Variants in ZC3H8 observed in about 807,000 individuals in gnomAD.
ZC3H8 encodes zinc finger CCCH-type containing 8.
ZC3H8 carries 27 observed loss-of-function variants against 42.5 expected under a neutral mutation model. The ratio of observed to expected loss-of-function variants is 0.64; its 90% CI spans 0.47 to 0.88. The LOEUF (loss-of-function observed/expected upper bound fraction) is 0.88. ZC3H8 is among the 40% of genes least tolerant of loss of function. The pLI, the probability that ZC3H8 is intolerant of heterozygous loss-of-function variation, is 0.00. For synonymous variants in ZC3H8, 101 were observed against 110.1 expected (o/e 0.92, Z 0.52); for missense variants, 277 against 336.1 (o/e 0.82, Z 1.37).
intron 5 of ZC3H8, 124 bp from the exon 6 acceptor site, chr2:112,233,495 A>G (rs1685179705): frequency 1.4e-5 from 9 of 657,740 alleles, no homozygotes. Context: ...TAGAGGTAGC[A>G]CATTCTAACT....
chr2:112,226,600 A>AAAAAAAAAAG (rs1418230275), intron 8 of ZC3H8, among the ~76,000 whole-genome samples: 1 of 151,038 alleles, frequency 6.6e-6, no homozygotes, highest in Non-Finnish European at 1.5e-5. Context: ...AAAAAAAAAA[A>AAAAAAAAAAG]AAAAAGCTCA....
At chr2:112,223,325 T>C (rs1684676129) in intron 8 of ZC3H8, among the ~76,000 whole-genome samples, 1 of 152,158 alleles carries the variant, frequency 6.6e-6, no homozygotes, top group East Asian at 1.9e-4. Flanking sequence ...AACAATTGCA[T>C]GTCAATGTAT....
Position 112,250,196 on chromosome 2 carries a change from T to C in ZC3H8, c.151A>G (p.Lys51Glu). The C allele has an allele frequency of 6.4e-7, 1 of 1,565,802 alleles. No individual in the cohort carries two copies. The highest frequency in any genetic ancestry group is 2.3e-5 in the East Asian group (1 of 43,566). Reference sequence around the variant, plus strand: ...AGTGGTCAACTTAATCTTACTTTTTTGGGAATTTGCTCGCACTCCAGTTTA... The same window carrying C: ...AGTGGTCAACTTAATCTTACTTTTTCGGGAATTTGCTCGCACTCCAGTTTA... ...KIKLECEQIP[K>E]KFRHSAISPK... The change falls in exon 2 of 9, where the codon AAA (lysine) becomes GAA (glutamate). Residue 51 changes from lysine (K) to glutamate (E), a missense_variant. Coordinates refer to ENST00000409573, the MANE Select transcript of ZC3H8 (RefSeq NM_032494.3).
intron 8 of ZC3H8, among the ~76,000 whole-genome samples, chr2:112,222,983 ATTTTC>A (rs1007177723): frequency 1.3e-4 from 20 of 152,008 alleles, no homozygotes; most frequent in African/African-American, 4.8e-4. Flanking sequence ...ATCTATTCCT[ATTTTC>A]TTTAGTGTTT....
chr2:112,231,491 A>G (rs1336115995), intron 7 of ZC3H8, among the ~76,000 whole-genome samples: 2 of 152,168 alleles, frequency 1.3e-5, no homozygotes, highest in African/African-American at 2.4e-5. Flanking sequence ...ATGTTTATAA[A>G]CCCGTAACTT....
intron 6 of ZC3H8, among the ~76,000 whole-genome samples, chr2:112,232,556 G>T (rs1436918977): frequency 6.6e-6 from 1 of 152,040 alleles, no homozygotes; most frequent in Non-Finnish European, 1.5e-5. Flanking sequence ...TGATAAATGT[G>T]ATCATTTTTA....
chr2:112,251,282 G>C (rs1455496732), intron 1 of ZC3H8, among the ~76,000 whole-genome samples: 3 of 152,212 alleles, frequency 2.0e-5, no homozygotes, highest in Non-Finnish European at 4.4e-5. Context: ...CTCCGTGGCT[G>C]TTCTTTCAAA....
intron 2 of ZC3H8, 133 bp from the exon 3 acceptor site, chr2:112,238,661 C>CTATT (rs1685452646): frequency 3.4e-6 from 2 of 589,584 alleles, no homozygotes; most frequent in Middle Eastern, 4.7e-4. Context: ...GATTCATATA[C>CTATT]TATTCTCTCC....
Position 112,230,952 on chromosome 2 carries a change from T to A in ZC3H8, c.844-2A>T. 1 of 1,246,396 alleles carries A rather than the reference T, an allele frequency of 8.0e-7. No individual in the cohort carries two copies. 77.2% of individuals were successfully genotyped at this position (1,246,396 alleles called of 1,614,324 possible). A position where few individuals can be genotyped will look rare whatever the true frequency, so the allele number is the denominator to read the frequency against. ...TGACTTCTTTTCAGTATCCAAAACC[T>A]AATATAAAAAAAAAATCACATAATC... On this transcript the variant is annotated splice_acceptor_variant, in intron 7 of 8. Coordinates refer to ENST00000409573, the MANE Select transcript of ZC3H8 (RefSeq NM_032494.3). LOFTEE classifies it high-confidence loss of function.
At chr2:112,247,300 C>T (rs1685796486) in intron 2 of ZC3H8, among the ~76,000 whole-genome samples, 1 of 152,182 alleles carries the variant, frequency 6.6e-6, no homozygotes, top group Non-Finnish European at 1.5e-5. Context: ...TATAGCCAGC[C>T]ATGGTGGCTC....
intron 8 of ZC3H8, among the ~76,000 whole-genome samples, chr2:112,226,219 GTTTT>G (rs374883985): frequency 1.3e-5 from 2 of 148,452 alleles, no homozygotes; most frequent in African/African-American, 4.9e-5. Context: ...TACCAAAGCT[GTTTT>G]TTTTTTAAAA....
rs766077978 is a variant in ZC3H8, at chr2:112,214,657, G to A, written c.*1827C>T. 1.3e-5 allele frequency: 2 copies of A among 152,122 alleles called. No individual in the cohort carries two copies. Among genetic ancestry groups the A allele is most frequent in the South Asian group, 2.1e-4 (1 of 4,812 alleles). 9.4% of individuals were successfully genotyped at this position (152,122 alleles called of 1,614,324 possible). A position where few individuals can be genotyped will look rare whatever the true frequency, so the allele number is the denominator to read the frequency against. On this transcript the variant is annotated 3_prime_UTR_variant, in exon 9 of 9. Coordinates refer to ENST00000409573, the MANE Select transcript of ZC3H8 (RefSeq NM_032494.3). Reference sequence around the variant, plus strand: ...ACGAATGGCTCTTGGTTCAGGGAACGGCACAGTGGGGGCGTGGCTGAAGCA... The same window carrying A: ...ACGAATGGCTCTTGGTTCAGGGAACAGCACAGTGGGGGCGTGGCTGAAGCA...
intron 8 of ZC3H8, among the ~76,000 whole-genome samples, chr2:112,221,737 T>C (rs1438473361): frequency 6.6e-6 from 1 of 152,112 alleles, no homozygotes; most frequent in Non-Finnish European, 1.5e-5. Context: ...TTTCTTATAA[T>C]GGTCATTTGG....
Position 112,236,435 on chromosome 2 carries a change from C to T in ZC3H8, c.504+127G>A, listed in dbSNP as rs796661073. 35 of 1,298,658 alleles carry T rather than the reference C, an allele frequency of 2.7e-5. 1 individual carries two copies. The African/African-American group carries it at 5.1e-4, about 19-fold the overall frequency. 80.4% of individuals were successfully genotyped at this position (1,298,658 alleles called of 1,614,324 possible). A position where few individuals can be genotyped will look rare whatever the true frequency, so the allele number is the denominator to read the frequency against. On this transcript the variant is annotated intron_variant, in intron 4 of 8. Transcript: ENST00000409573. ...AGTGACAGTAAAAGGACATCTTCAT[C>T]CGAAAACCGATTCTGTGGGATGCTT...
At chr2:112,254,702 G>A (rs1316354856) in intron 1 of ZC3H8, among the ~76,000 whole-genome samples, 1 of 152,196 alleles carries the variant, frequency 6.6e-6, no homozygotes, top group Non-Finnish European at 1.5e-5. Flanking sequence ...GCCTAAGCCT[G>A]AGCCCCGCGT....
chr2:112,250,395 AT>A, intron 1 of ZC3H8, 123 bp from the exon 2 acceptor site: 1 of 560,238 alleles, frequency 1.8e-6, no homozygotes, highest in Non-Finnish European at 2.9e-6. Flanking sequence ...ACAAATTCAA[AT>A]TCTATACCAA....
chr2:112,231,322 C>T (rs977985579), intron 7 of ZC3H8, among the ~76,000 whole-genome samples: 1 of 152,010 alleles, frequency 6.6e-6, no homozygotes, highest in Non-Finnish European at 1.5e-5. Context: ...TTCATGTATA[C>T]TTAGATTAAA....
In ZC3H8 at chr2:112,228,500, C is replaced by CAAAA. The variant is rs1188593900; in HGVS notation, c.*15+2399_*15+2402dup. Among the ~76,000 whole-genome samples, 5 of 77,092 alleles carry CAAAA rather than the reference C, an allele frequency of 6.5e-5. No individual in the cohort carries two copies. The South Asian group carries it at 2.0e-3, about 31-fold the overall frequency. 50.6% of individuals were successfully genotyped at this position (77,092 alleles called of 152,430 possible). ...CTGGCAACAGAGTGAGACTCTGTCT[C>CAAAA]AAAAAAAAAAAAAAAAGTGCTGGGA... On this transcript the variant is annotated intron_variant, in intron 8 of 8. Transcript: ENST00000409573.
chr2:112,212,926 T>C lies in ZC3H8; in HGVS notation c.*3558A>G, dbSNP rs1255784011. 6.7e-6 allele frequency: 1 copy of C among 150,066 alleles called. No individual in the cohort carries two copies. Among genetic ancestry groups the C allele is most frequent in the Admixed American group, 6.7e-5 (1 of 14,952 alleles). The allele number at this position is 150,066 out of a possible 1,614,324, so 9.3% of individuals were successfully genotyped here. A position where few individuals can be genotyped will look rare whatever the true frequency, so the allele number is the denominator to read the frequency against. On this transcript the variant is annotated 3_prime_UTR_variant, in exon 9 of 9. Transcript: ENST00000409573. ...TCTTTAGGCGCATTACCAAATCACC[T>C]AGTATTTTGAGTTCAGCAAGCACAA...
Sources: gnomAD v4.1 joint callset for allele counts (sites outside exome capture counted in the v4.1 genomes callset) on GRCh38, gnomAD v4.1.1 for gene constraint, MANE v1.5 for transcripts, NCBI Gene and HGNC (gene_info 2026-07-23, HGNC 2026-07-21) for gene names.